B4GALNT1: variants seen among roughly 807,000 people sequenced by gnomAD.
B4GALNT1 encodes the protein beta-1,4 N-acetylgalactosaminyltransferase 1.
In B4GALNT1, 43 loss-of-function variants were observed where a neutral mutation model predicts 55.2. The observed-to-expected ratio is 0.78, with a 90% CI of 0.61 to 1.00. The LOEUF (loss-of-function observed/expected upper bound fraction) is 1.00, where lower values mean the gene tolerates loss of function less well. B4GALNT1 is among the 50% of genes least tolerant of loss of function. The probability of loss-of-function intolerance (pLI) is 0.00; values close to 1 mark genes in which losing one functional copy is unlikely to be tolerated. For missense variants in B4GALNT1, 664 were observed against 729.7 expected, an observed-to-expected ratio of 0.91 and a Z score of 1.04; for synonymous variants, 305 against 311.6, an observed-to-expected ratio of 0.98 and a Z score of 0.22.
intron 2 of B4GALNT1, 87 bp downstream of exon 2, chr12:57,631,828 G>C (rs143502822): frequency 8.1e-7 from 1 of 1,236,782 alleles, no homozygotes; most frequent in South Asian, 2.3e-5. Context: ...GGAGAATGCA[G>C]GCATCTGAGC....
At chr12:57,628,055 C>T in intron 9 of B4GALNT1, 67 bp downstream of exon 9, 4 of 1,586,414 alleles carry the variant, frequency 2.5e-6, no homozygotes, top group South Asian at 1.1e-5. Context: ...GGCCGCAGCG[C>T]CCCCGCTGTG....
chr12:57,630,530 G>A lies in B4GALNT1; in HGVS notation c.491-12C>T, dbSNP rs1221979851. On this transcript the variant is annotated splice_polypyrimidine_tract_variant and intron_variant, in intron 4 of 10. Transcript: ENST00000341156. ...CTGAAGGCTCAGCCCTAGGAGAAAGGAGTGGGGGGATCAGAATCACATAGG... is the reference window on the plus strand; with the variant it reads ...CTGAAGGCTCAGCCCTAGGAGAAAGAAGTGGGGGGATCAGAATCACATAGG... The A allele has an allele frequency of 6.2e-7, 1 of 1,600,618 alleles. No individual in the cohort carries two copies. The highest frequency in any genetic ancestry group is 1.7e-4 in the Middle Eastern group (1 of 5,978).
At chr12:57,630,395 C>A in intron 5 of B4GALNT1, 63 bp from the exon 6 acceptor site, 5 of 1,597,604 alleles carry the variant, frequency 3.1e-6, no homozygotes, top group Non-Finnish European at 4.3e-6. Flanking sequence ...CCCTGATTCG[C>A]CCATCCTTCC....
In B4GALNT1 at chr12:57,625,992, C is replaced by T; in HGVS notation, c.*752G>A. 1 of 389,712 alleles carries T rather than the reference C, an allele frequency of 2.6e-6. No individual in the cohort carries two copies. Among genetic ancestry groups the T allele is most frequent in the Non-Finnish European group, 4.5e-6 (1 of 220,730 alleles). 24.1% of individuals were successfully genotyped at this position (389,712 alleles called of 1,614,324 possible). The stretch of plus-strand genomic sequence containing the variant: ...CTATTCCTGACATGTCTCCTCTCTT[C>T]TCCAGGAGCTCACTGACCCAAAGAT... On this transcript the variant is annotated 3_prime_UTR_variant, in exon 11 of 11. Transcript: ENST00000341156.
intron 4 of B4GALNT1, 121 bp from the exon 5 acceptor site, chr12:57,630,639 C>T (rs1594985604): frequency 8.6e-7 from 1 of 1,160,794 alleles, no homozygotes; most frequent in Non-Finnish European, 1.2e-6. Flanking sequence ...TTATTGAGGC[C>T]TCAGCAGGGC....
chr12:57,629,744 C>T (rs965815350), intron 6 of B4GALNT1: 3 of 1,426,218 alleles, frequency 2.1e-6, no homozygotes, highest in Non-Finnish European at 2.7e-6. Context: ...AAACTTAGTG[C>T]AACAAACCAG....
At position 57,623,731 on chromosome 12, in the gene B4GALNT1, G is replaced by T; in HGVS notation, c.*3013C>A. The T allele has an allele frequency of 1.1e-6, 1 of 951,584 alleles. No individual in the cohort carries two copies. 58.9% of individuals were successfully genotyped at this position (951,584 alleles called of 1,614,324 possible). A position where few individuals can be genotyped will look rare whatever the true frequency, so the allele number is the denominator to read the frequency against. ...TTGTGTGGAAGGAGATTTGGGAGAA[G>T]GGAGACTTCCGAGGAAGATTAGGCA... is the stretch of plus-strand genomic sequence containing the variant. On this transcript the variant is annotated 3_prime_UTR_variant, in exon 11 of 11. Coordinates refer to ENST00000341156, the MANE Select transcript of B4GALNT1 (RefSeq NM_001478.5).
In B4GALNT1 at chr12:57,623,913, G is replaced by A. The variant is rs748826429; in HGVS notation, c.*2831C>T. ...GGCCCTTCTTTTACTATCTGCCCAAGGTAATGAGCAGAGGAGGCATGAGCA... is the reference window on the plus strand; with the variant it reads ...GGCCCTTCTTTTACTATCTGCCCAAAGTAATGAGCAGAGGAGGCATGAGCA... On this transcript the variant is annotated 3_prime_UTR_variant, in exon 11 of 11. Transcript: ENST00000341156. 4.0e-5 allele frequency: 65 copies of A among 1,613,898 alleles called. No individual in the cohort carries two copies. The highest frequency in any genetic ancestry group is 5.2e-5 in the Non-Finnish European group (61 of 1,179,960).
chr12:57,628,665 C>G, intron 8 of B4GALNT1, 48 bp downstream of exon 8: 13 of 1,607,358 alleles, frequency 8.1e-6, no homozygotes, highest in Non-Finnish European at 1.1e-5. Context: ...GAGGGCACAC[C>G]CCCTGCGGGA....
chr12:57,630,027 G>C, intron 6 of B4GALNT1, 125 bp downstream of exon 6: 4 of 1,572,828 alleles, frequency 2.5e-6, no homozygotes, highest in Non-Finnish European at 3.4e-6. Context: ...AGCACCCATT[G>C]TGTGGCTGGA....
At position 57,626,205 on chromosome 12, in the gene B4GALNT1, C is replaced by T. The variant is rs1884797009; in HGVS notation, c.*539G>A. 1 of 170,756 alleles carries T rather than the reference C, an allele frequency of 5.9e-6. No homozygotes were observed. The highest frequency in any genetic ancestry group is 5.5e-5 in the Admixed American group (1 of 18,096). 10.6% of individuals were successfully genotyped at this position (170,756 alleles called of 1,614,324 possible). ...ACTCTGGTGCCCCTTCTTTTGTGCCCACAGCATTGCAGAGACACAACTAAG... is the reference window on the plus strand; with the variant it reads ...ACTCTGGTGCCCCTTCTTTTGTGCCTACAGCATTGCAGAGACACAACTAAG... On this transcript the variant is annotated 3_prime_UTR_variant, in exon 11 of 11. Transcript: ENST00000341156.
In B4GALNT1 at chr12:57,624,489, C is replaced by T. The variant is rs112623033; in HGVS notation, c.*2255G>A. ...TCTTTTGGGCAATCCACCCCTATCC[C>T]TATCCTGCAGGCTGTGTGGATGGTC... On this transcript the variant is annotated 3_prime_UTR_variant, in exon 11 of 11. Transcript: ENST00000341156. 1,067 of 620,716 alleles carry T rather than the reference C, an allele frequency of 1.7e-3. 3 individuals are homozygous for T. The highest frequency in any genetic ancestry group is 3.4e-3 in the South Asian group (244 of 70,806). 38.5% of individuals were successfully genotyped at this position (620,716 alleles called of 1,614,324 possible). A position where few individuals can be genotyped will look rare whatever the true frequency, so the allele number is the denominator to read the frequency against.
At position 57,623,919 on chromosome 12, in the gene B4GALNT1, G is replaced by A; in HGVS notation, c.*2825C>T. On this transcript the variant is annotated 3_prime_UTR_variant, in exon 11 of 11. Transcript: ENST00000341156. ...TCTTTTACTATCTGCCCAAGGTAAT[G>A]AGCAGAGGAGGCATGAGCATGGCTG... 1 of 1,614,008 alleles carries A rather than the reference G, an allele frequency of 6.2e-7. No homozygotes were observed. Among genetic ancestry groups the A allele is most frequent in the South Asian group, 1.1e-5 (1 of 91,064 alleles).
Position 57,631,068 on chromosome 12 carries a change from G to C in B4GALNT1, c.402C>G (p.Asp134Glu), listed in dbSNP as rs878913098. ...AGTTGGCAGGGGCTATGAGCAGCTG[G>C]TCAGCTGGGGACTGGCTCCTGGCAG... is the stretch of plus-strand genomic sequence containing the variant. ...AFLSRSQSPA[D>E]QLLIAPANSP... Residue 134 changes from aspartate to glutamate, a missense_variant, in exon 4 of 11, where the codon GAC becomes GAG. Physicochemically the swap from Asp to Glu is conservative, Grantham distance 45. Transcript: ENST00000341156. 1.2e-6 allele frequency: 2 copies of C among 1,612,198 alleles called. No individual in the cohort carries two copies. Among genetic ancestry groups the C allele is most frequent in the South Asian group, 1.1e-5 (1 of 90,878 alleles).
rs182796881 is a variant in B4GALNT1 at position 57,624,359 on chromosome 12, T to C, written c.*2385A>G. 2.1e-5 allele frequency: 13 copies of C among 629,192 alleles called. No individual in the cohort carries two copies. The East Asian group carries it at 3.5e-4, about 17-fold the overall frequency. 39.0% of individuals were successfully genotyped at this position (629,192 alleles called of 1,614,324 possible). A position where few individuals can be genotyped will look rare whatever the true frequency, so the allele number is the denominator to read the frequency against. ...GTCCCATTGAATCAACCCTGTTGTT[T>C]CCTTCTGTCATGCTTTCCACTTCTT... On this transcript the variant is annotated 3_prime_UTR_variant, in exon 11 of 11. Coordinates refer to ENST00000341156, the MANE Select transcript of B4GALNT1 (RefSeq NM_001478.5).
chr12:57,624,379 C>T lies in B4GALNT1; in HGVS notation c.*2365G>A. 1.6e-6 allele frequency: 1 copy of T among 619,452 alleles called. No homozygotes were observed. The highest frequency in any genetic ancestry group is 3.1e-6 in the Non-Finnish European group (1 of 327,730). The allele number at this position is 619,452 out of a possible 1,614,324, so 38.4% of individuals were successfully genotyped here. On this transcript the variant is annotated 3_prime_UTR_variant, in exon 11 of 11. Transcript: ENST00000341156. ...TTGTTTCCTTCTGTCATGCTTTCCA[C>T]TTCTTCCTGGATCATCTCTCCCCAT...
chr12:57,627,041 G>C (rs891135009), intron 10 of B4GALNT1, 80 bp from the exon 11 acceptor site: 2 of 1,283,340 alleles, frequency 1.6e-6, no homozygotes, highest in East Asian at 2.5e-5. Context: ...CTCAAATTTA[G>C]GGTGTGGAAA....
rs754916922 is a variant in B4GALNT1, at chr12:57,630,344, T to C, written c.532-12A>G. ...GCAGTCAGGTTCACCTAGGAGGGGA[T>C]TGGAGAGTGCAGGGTTAGGCCCCAG... On this transcript the variant is annotated splice_polypyrimidine_tract_variant and intron_variant, in intron 5 of 10. Transcript: ENST00000341156. 2.5e-6 allele frequency: 4 copies of C among 1,613,096 alleles called. No homozygotes were observed. The highest frequency in any genetic ancestry group is 3.4e-6 in the Non-Finnish European group (4 of 1,179,270).
chr12:57,624,311 GC>G lies in B4GALNT1; in HGVS notation c.*2432del. On this transcript the variant is annotated 3_prime_UTR_variant, in exon 11 of 11. Transcript: ENST00000341156. The stretch of plus-strand genomic sequence containing the variant: ...GAATATTTGTAACTTCCCAACTGGT[GC>G]GGGTCATTACATTTGGTGTGTGTCC... 1.6e-6 allele frequency: 1 copy of G among 629,032 alleles called. No homozygotes were observed. The allele number at this position is 629,032 out of a possible 1,614,324, so 39.0% of individuals were successfully genotyped here.
Sources: gnomAD v4.1 joint callset for allele counts on GRCh38, gnomAD v4.1.1 for gene constraint, MANE v1.5 for transcripts, NCBI Gene and HGNC (gene_info 2026-07-23, HGNC 2026-07-21) for gene names.